Variants in ST14 observed in about 807,000 individuals in gnomAD.
The protein encoded by ST14 is ST14 transmembrane serine protease matriptase.
ST14 carries 40 observed loss-of-function variants against 96.5 expected under a neutral mutation model. The observed-to-expected ratio is 0.41, with a 90% CI of 0.32 to 0.54. The LOEUF (loss-of-function observed/expected upper bound fraction) is 0.54, where lower values mean the gene tolerates loss of function less well. ST14 is among the 20% of genes least tolerant of loss of function. The probability of loss-of-function intolerance (pLI) is 0.17; values close to 1 mark genes in which losing one functional copy is unlikely to be tolerated. For synonymous variants in ST14, 506 were observed against 492.1 expected, an observed-to-expected ratio of 1.03 and a Z score of -0.37; for missense variants, 1,066 against 1,188.9, an observed-to-expected ratio of 0.90 and a Z score of 1.52.
intron 17 of ST14, 31 bp downstream of exon 17, chr11:130,208,715 G>C: frequency 6.2e-7 from 1 of 1,601,164 alleles, no homozygotes. Flanking sequence ...GGGCTCCGCA[G>C]AGGGCCTGGG....
rs1252119967 is a variant in ST14 at position 130,196,412 on chromosome 11, C to T, written c.1187C>T (p.Thr396Ile). Residue 396 changes from threonine (T) to isoleucine (I), a missense_variant, in exon 10 of 19, where the codon ACC becomes ATC. By Grantham distance (89) the Thr-to-Ile change is moderately conservative. Coordinates refer to ENST00000278742, the MANE Select transcript of ST14 (RefSeq NM_021978.4). ...CTGGAGCCCGGCGTGCCTGCGGGCACCTGCCCCAAGGACTACGTGGAGATC... is the reference window on the plus strand; with the variant it reads ...CTGGAGCCCGGCGTGCCTGCGGGCATCTGCCCCAAGGACTACGTGGAGATC... ...YLLEPGVPAG[T>I]CPKDYVEING... 1.9e-6 allele frequency: 3 copies of T among 1,610,612 alleles called. No individual in the cohort carries two copies. The highest frequency in any genetic ancestry group is 1.7e-6 in the Non-Finnish European group (2 of 1,178,744).
chr11:130,191,677 G>C (rs1346521625), intron 7 of ST14, among the ~76,000 whole-genome samples: 2 of 131,298 alleles, frequency 1.5e-5, no homozygotes, highest in Non-Finnish European at 3.1e-5. Context: ...GCAACAGAGC[G>C]AGACTCTGTC....
At chr11:130,197,780 C>T (rs1012248319) in intron 11 of ST14, 61 bp from the exon 12 acceptor site, 396 of 1,417,050 alleles carry the variant, frequency 2.8e-4, no homozygotes, top group Non-Finnish European at 3.5e-4. Flanking sequence ...GGGAGGGAGC[C>T]GGGAGCCAGC....
intron 17 of ST14, among the ~76,000 whole-genome samples, chr11:130,209,216 G>A (rs1490214360): frequency 6.6e-6 from 1 of 152,072 alleles, no homozygotes; most frequent in African/African-American, 2.4e-5. Flanking sequence ...GCTTGCCACG[G>A]CGTCTGTTCC....
At chr11:130,205,539 G>T (rs1786145) in intron 16 of ST14, among the ~76,000 whole-genome samples, 29 of 151,952 alleles carry the variant, frequency 1.9e-4, no homozygotes, top group African/African-American at 7.0e-4. Context: ...TCCCAACTGG[G>T]GGCAGCCATT....
chr11:130,196,317 C>T (rs767017106), intron 9 of ST14, 22 bp from the exon 10 acceptor site: 45 of 1,558,766 alleles, frequency 2.9e-5, no homozygotes, highest in Admixed American at 3.8e-5. Flanking sequence ...CTGCACATTC[C>T]CAGCAGCCTC....
At chr11:130,165,987 G>C (rs1953037835) in intron 1 of ST14, among the ~76,000 whole-genome samples, 1 of 152,192 alleles carries the variant, frequency 6.6e-6, no homozygotes, top group South Asian at 2.1e-4. Context: ...ATTCACCAGA[G>C]AGCTGTGAGC....
At chr11:130,189,230 A>G (rs532377844) in intron 4 of ST14, 23 of 541,088 alleles carry the variant, frequency 4.3e-5, no homozygotes, top group African/African-American at 3.8e-4. Flanking sequence ...AAATTTGGGT[A>G]TGGGGGAGTT....
At chr11:130,161,675 G>A (rs1269159259) in intron 1 of ST14, among the ~76,000 whole-genome samples, 10 of 152,138 alleles carry the variant, frequency 6.6e-5, no homozygotes, top group Non-Finnish European at 1.2e-4. Context: ...CTCCTCCTCT[G>A]CGAAGCTCAT....
In ST14 at chr11:130,196,852, C is replaced by A; in HGVS notation, c.1354+152C>A. The A allele has an allele frequency of 3.5e-6, 4 of 1,147,164 alleles. No homozygotes were observed. The South Asian group carries it at 4.0e-5, about 12-fold the overall frequency. 71.1% of individuals were successfully genotyped at this position (1,147,164 alleles called of 1,614,324 possible). ...CTCCCGTAGCTTTGGGAGGAAAACA[C>A]GCTACCTTTGATGCATTAATGAAAG... On this transcript the variant is annotated intron_variant, in intron 11 of 18. Transcript: ENST00000278742.
chr11:130,209,766 C>T lies in ST14; in HGVS notation c.2511C>T (p.Gly837=). ...GCTGCGCTCAGAGGAACAAGCCAGGCGTGTACACAAGGCTCCCTCTGTTTC... is the reference window on the plus strand; with the variant it reads ...GCTGCGCTCAGAGGAACAAGCCAGGTGTGTACACAAGGCTCCCTCTGTTTC... The part of the protein sequence containing the change: ...GDGCAQRNKP[G]VYTRLPLFRD... Residue 837 remains glycine (G), a synonymous_variant, in exon 19 of 19, where the codon GGC becomes GGT. Coordinates refer to ENST00000278742, the MANE Select transcript of ST14 (RefSeq NM_021978.4). 1 of 1,613,980 alleles carries T rather than the reference C, an allele frequency of 6.2e-7. No homozygotes were observed. The highest frequency in any genetic ancestry group is 2.2e-5 in the East Asian group (1 of 44,880).
At chr11:130,201,726 C>T (rs952108626) in intron 16 of ST14, among the ~76,000 whole-genome samples, 1 of 152,256 alleles carries the variant, frequency 6.6e-6, no homozygotes, top group Non-Finnish European at 1.5e-5. Context: ...ACTACAGGCA[C>T]ATGCCACCAT....
At position 130,209,810 on chromosome 11, in the gene ST14, A is replaced by C. The variant is rs1428874893; in HGVS notation, c.2555A>C (p.Asn852Thr). The C allele has an allele frequency of 6.2e-7, 1 of 1,613,964 alleles. No homozygotes were observed. Among genetic ancestry groups the C allele is most frequent in the Non-Finnish European group, 8.5e-7 (1 of 1,180,014 alleles). The stretch of plus-strand genomic sequence containing the variant: ...CTGTTTCGGGACTGGATCAAAGAGA[A>C]CACTGGGGTATAGGGGCCGGGGCCA... ...LPLFRDWIKENTGV is the reference protein window; with the variant it reads ...LPLFRDWIKETTGV The change falls in exon 19 of 19, where the codon AAC (asparagine) becomes ACC (threonine). Residue 852 changes from asparagine to threonine, a missense_variant. By Grantham distance (65) the Asn-to-Thr change is moderately conservative. Coordinates refer to ENST00000278742, the MANE Select transcript of ST14 (RefSeq NM_021978.4).
intron 9 of ST14, 51 bp from the exon 10 acceptor site, chr11:130,196,288 C>T (rs1565626112): frequency 1.4e-6 from 2 of 1,442,642 alleles, no homozygotes; most frequent in African/African-American, 1.4e-5. Context: ...TCCTCAGGTT[C>T]AGGGAGGAGG....
chr11:130,188,685 T>A lies in ST14; in HGVS notation c.369+28T>A, dbSNP rs778052241. The A allele has an allele frequency of 1.1e-5, 17 of 1,613,906 alleles. No homozygotes were observed. The highest frequency in any genetic ancestry group is 1.4e-5 in the Non-Finnish European group (17 of 1,180,024). ...GAGTGCAGCCTGCCCAGAGTCCTGCTGGGCTGTGTGCGCTGGTGTCCCACC... is the reference window on the plus strand; with the variant it reads ...GAGTGCAGCCTGCCCAGAGTCCTGCAGGGCTGTGTGCGCTGGTGTCCCACC... On this transcript the variant is annotated intron_variant, in intron 3 of 18. Transcript: ENST00000278742. This position sits in a 1 kb window ranked among gnomAD's most constrained non-coding sequence, Gnocchi z 5.4.
At chr11:130,173,973 A>C (rs1953115393) in intron 1 of ST14, among the ~76,000 whole-genome samples, 1 of 152,192 alleles carries the variant, frequency 6.6e-6, no homozygotes, top group African/African-American at 2.4e-5. Flanking sequence ...GTTTCCAAAA[A>C]CATTTTTTAA....
At chr11:130,165,803 G>A (rs956148289) in intron 1 of ST14, among the ~76,000 whole-genome samples, 4 of 152,218 alleles carry the variant, frequency 2.6e-5, no homozygotes, top group South Asian at 2.1e-4. Context: ...GTTCACAGAC[G>A]AGAATACTGA....
chr11:130,170,715 C>T (rs1347125517), intron 1 of ST14, among the ~76,000 whole-genome samples: 5 of 151,896 alleles, frequency 3.3e-5, no homozygotes, highest in African/African-American at 4.8e-5. Context: ...CTAGAGCCAA[C>T]GTCAGAGTTG....
Position 130,188,780 on chromosome 11 carries a change from ACCCGGGCCCTGGAGGGGAGGGAGCAG to A in ST14, c.370-81_370-56del. On this transcript the variant is annotated intron_variant, in intron 3 of 18. Transcript: ENST00000278742. This position sits in a 1 kb window ranked among gnomAD's most constrained non-coding sequence, Gnocchi z 5.4. ...GGGATGGGGGTGATCTGCAAAGGGG[ACCCGGGCCCTGGAGGGGAGGGAGCAG>A]CCCGGGCTTGGGGCAGGGTCATCGC... 1 of 1,602,732 alleles carries A rather than the reference ACCCGGGCCCTGGAGGGGAGGGAGCAG, an allele frequency of 6.2e-7. No homozygotes were observed. The highest frequency in any genetic ancestry group is 1.1e-5 in the South Asian group (1 of 90,516).
Sources: allele counts gnomAD v4.1 joint callset (sites outside exome capture counted in the v4.1 genomes callset), GRCh38; gene constraint gnomAD v4.1.1; non-coding constraint Gnocchi (gnomAD v3.1); transcripts MANE v1.5; gene names NCBI Gene and HGNC (gene_info 2026-07-23, HGNC 2026-07-21).